SEMA3F: variants seen among roughly 807,000 people sequenced by gnomAD.
SEMA3F encodes the protein semaphorin-3F.
Under a neutral mutation model 98.5 loss-of-function variants are expected in SEMA3F, and 30 were observed. The ratio of observed to expected loss-of-function variants is 0.30; its 90% CI spans 0.23 to 0.41. The LOEUF is 0.41. Among genes scored for constraint, SEMA3F ranks in the 10% least tolerant of loss-of-function variants. The pLI is 1.00. For missense variants in SEMA3F, 866 were observed against 1,119.3 expected (o/e 0.77, Z 3.23); for synonymous variants, 380 against 444.8 (o/e 0.85, Z 1.83).
chr3:50,167,557 C>G (rs2109072578), intron 2 of SEMA3F, among the ~76,000 whole-genome samples: 1 of 151,446 alleles, frequency 6.6e-6, no homozygotes, highest in African/African-American at 2.4e-5. Context: ...CCCCAGCCCC[C>G]TGCCCCCTGC....
chr3:50,183,076 G>C (rs986840888), intron 10 of SEMA3F, 58 bp downstream of exon 10: 8 of 1,579,418 alleles, frequency 5.1e-6, no homozygotes, highest in Non-Finnish European at 7.0e-6. Flanking sequence ...ATAGAGGCGG[G>C]ATGGGCGATC....
At chr3:50,176,730 C>T (rs1464894304) in intron 6 of SEMA3F, 38 bp from the exon 7 acceptor site, 1 of 1,469,974 alleles carries the variant, frequency 6.8e-7, no homozygotes, top group Non-Finnish European at 9.5e-7. Flanking sequence ...GGCTGGGGGA[C>T]TGGCCTGGAC....
chr3:50,179,974 C>G (rs1328262676), intron 7 of SEMA3F, among the ~76,000 whole-genome samples: 1 of 152,168 alleles, frequency 6.6e-6, no homozygotes, highest in Admixed American at 6.5e-5. Flanking sequence ...AAGGCTGTTT[C>G]ACTTTCTTAT....
At chr3:50,185,564 C>A in intron 14 of SEMA3F, 33 bp downstream of exon 14, 2 of 1,612,254 alleles carry the variant, frequency 1.2e-6, no homozygotes, top group South Asian at 2.2e-5. Context: ...CTGACCTCCC[C>A]ACCTTTACCC....
At chr3:50,168,643 TA>T (rs1698493832) in intron 2 of SEMA3F, among the ~76,000 whole-genome samples, 2 of 152,084 alleles carry the variant, frequency 1.3e-5, no homozygotes, top group African/African-American at 4.8e-5. Flanking sequence ...AAAAGAGGAT[TA>T]GGCTGAGAGC....
At chr3:50,176,745 C>T in intron 6 of SEMA3F, 23 bp from the exon 7 acceptor site, 3 of 1,569,460 alleles carry the variant, frequency 1.9e-6, no homozygotes, top group Non-Finnish European at 2.6e-6. Context: ...CTGGACGATG[C>T]TGAGCCCCGC....
At chr3:50,183,600 C>A (rs892537312) in intron 12 of SEMA3F, 36 bp downstream of exon 12, 1 of 1,607,400 alleles carries the variant, frequency 6.2e-7, no homozygotes, top group Non-Finnish European at 8.5e-7. Flanking sequence ...TCCCCTTTCT[C>A]TTCTTCTAAG....
rs1005611446 is a variant in SEMA3F at position 50,174,061 on chromosome 3, G to A, written c.283G>A (p.Ala95Thr). The A allele has an allele frequency of 1.9e-6, 3 of 1,614,008 alleles. No homozygotes were observed. The highest frequency in any genetic ancestry group is 2.5e-6 in the Non-Finnish European group (3 of 1,180,032). ...INREPLIIHW[A>T]ASPQRIEECV... Reference sequence around the variant, plus strand: ...ACCCCCCTCTCTGCAGATACACTGGGCAGCCTCCCCACAGCGCATCGAGGA... The same window carrying A: ...ACCCCCCTCTCTGCAGATACACTGGACAGCCTCCCCACAGCGCATCGAGGA... Residue 95 changes from alanine to threonine, a missense_variant, in exon 4 of 19, where the codon GCA becomes ACA. By Grantham distance (58) the Ala-to-Thr change is moderately conservative. Around this residue, in one of 3 missense-constraint regions of SEMA3F, gnomAD observed 247 missense variants for 276.0 expected, o/e 0.89. Transcript: ENST00000002829.
intron 2 of SEMA3F, among the ~76,000 whole-genome samples, chr3:50,169,326 G>T (rs934921083): frequency 2.6e-5 from 4 of 152,092 alleles, no homozygotes; most frequent in African/African-American, 9.7e-5. Context: ...CCAGCCCCGT[G>T]TGCCTTGAGA....
chr3:50,176,363 G>T (rs1177782486), intron 6 of SEMA3F, among the ~76,000 whole-genome samples: 1 of 152,138 alleles, frequency 6.6e-6, no homozygotes, highest in East Asian at 1.9e-4. Flanking sequence ...GGTCTGCAGC[G>T]CTTTCTTGAC....
In SEMA3F at chr3:50,175,205, C is replaced by T. The variant is rs765581174; in HGVS notation, c.549+17C>T. 1.9e-6 allele frequency: 3 copies of T among 1,544,878 alleles called. No homozygotes were observed. The South Asian group carries it at 3.5e-5, about 18-fold the overall frequency. ...CCACGCCAGGTGGGCCTCATCCCTC[C>T]AGGCCTTTGCCAGGCAGCACTGCCT... On this transcript the variant is annotated intron_variant, in intron 6 of 18. Transcript: ENST00000002829.
chr3:50,159,532 C>T (rs1698123965), intron 1 of SEMA3F, 43 bp from the exon 2 acceptor site: 4 of 731,108 alleles, frequency 5.5e-6, no homozygotes, highest in Non-Finnish European at 9.3e-6. Flanking sequence ...AATTGAACTC[C>T]CCCATCTGCC....
chr3:50,187,755 T>C lies in SEMA3F; in HGVS notation c.1998T>C (p.Arg666=). 6.2e-7 allele frequency: 1 copy of C among 1,613,088 alleles called. No individual in the cohort carries two copies. The highest frequency in any genetic ancestry group is 1.1e-5 in the South Asian group (1 of 91,048). The change falls in exon 19 of 19, where the codon CGT becomes CGC. Residue 666 remains arginine, a synonymous_variant. Coordinates refer to ENST00000002829, the MANE Select transcript of SEMA3F (RefSeq NM_004186.5). ...FLRTEQGLLL[R]ALQLSDRGLY... ...GCACAGAGCAGGGCTTGTTGCTCCG[T>C]GCACTGCAGCTCAGCGATCGTGGCC... is the stretch of plus-strand genomic sequence containing the variant.
Position 50,183,357 on chromosome 3 carries a change from A to G in SEMA3F, c.1089-63A>G, listed in dbSNP as rs181975731. The stretch of plus-strand genomic sequence containing the variant: ...CGGTGGCGAGCTGTGGGGAGGGGGC[A>G]GTTTGGGGAGGGGCCCTAGGTGGAG... On this transcript the variant is annotated intron_variant, in intron 11 of 18. Transcript: ENST00000002829. 1.9e-3 allele frequency: 3,120 copies of G among 1,604,528 alleles called. 4 individuals carry two copies. Among genetic ancestry groups the G allele is most frequent in the Non-Finnish European group, 2.5e-3 (2,876 of 1,173,028 alleles).
At position 50,182,516 on chromosome 3, in the gene SEMA3F, G is replaced by A. The variant is rs1699051832; in HGVS notation, c.763+113G>A. 2 of 1,571,060 alleles carry A rather than the reference G, an allele frequency of 1.3e-6. No individual in the cohort carries two copies. The highest frequency in any genetic ancestry group is 1.3e-5 in the African/African-American group (1 of 74,228). ...GACATGTTTAGCCTATGACTACCTG[G>A]GGCAGGGGTAGTTTCTTATCTGGAG... On this transcript the variant is annotated intron_variant, in intron 8 of 18. Transcript: ENST00000002829. The surrounding 1 kb of genome is among the most constrained non-coding windows in gnomAD (Gnocchi z 4.5).
At chr3:50,175,061 C>A in intron 5 of SEMA3F, 35 bp from the exon 6 acceptor site, 1 of 1,454,184 alleles carries the variant, frequency 6.9e-7, no homozygotes, top group South Asian at 1.2e-5. Flanking sequence ...GCCCCTGCCA[C>A]CCCCAGCTCT....
intron 6 of SEMA3F, 69 bp from the exon 7 acceptor site, chr3:50,176,699 C>T: frequency 8.8e-7 from 1 of 1,137,130 alleles, no homozygotes. Context: ...CCCTGGGAGC[C>T]TGGTGACCCT....
Position 50,173,773 on chromosome 3 carries a change from G to C in SEMA3F, c.113-20G>C. 1 of 1,612,282 alleles carries C rather than the reference G, an allele frequency of 6.2e-7. No homozygotes were observed. The highest frequency in any genetic ancestry group is 1.7e-5 in the Admixed American group (1 of 59,914). ...TGGTTTCCTGAAGGTCCTAATTGGT[G>C]CCCTGCCCTCCACCCACAGAGCTGA... On this transcript the variant is annotated intron_variant, in intron 2 of 18. Transcript: ENST00000002829.
At chr3:50,183,686 T>A in intron 12 of SEMA3F, 122 bp downstream of exon 12, 1 of 1,039,850 alleles carries the variant, frequency 9.6e-7, no homozygotes, top group Non-Finnish European at 1.4e-6. Context: ...CGGTGAGCTG[T>A]AATGCACACA....
Sources: gnomAD v4.1 joint callset for allele counts (sites outside exome capture counted in the v4.1 genomes callset) on GRCh38, gnomAD v4.1.1 for gene constraint, gnomAD v4.1.1 regional missense constraint, Gnocchi (gnomAD v3.1) non-coding constraint, MANE v1.5 for transcripts, NCBI Gene and HGNC (gene_info 2026-07-23, HGNC 2026-07-21) for gene names.